CTNNA2: variants seen among roughly 807,000 people sequenced by gnomAD.
CTNNA2 encodes catenin alpha-2.
A neutral mutation model predicts 101.0 loss-of-function variants in CTNNA2; 42 were observed. The observed-to-expected ratio is 0.42, with a 90% CI of 0.32 to 0.54. The LOEUF (loss-of-function observed/expected upper bound fraction) is 0.54. Ranked by LOEUF, CTNNA2 falls within the 20% of genes least tolerant of loss-of-function variation. CTNNA2 has a pLI of 0.14. For synonymous variants in CTNNA2, 450 were observed against 456.4 expected, an observed-to-expected ratio of 0.99 and a Z score of 0.18; for missense variants, 871 against 1,223.1, an observed-to-expected ratio of 0.71 and a Z score of 4.29.
At chr2:80,507,222 A>G (rs1688346353) in intron 9 of CTNNA2, among the ~76,000 whole-genome samples, 1 of 152,198 alleles carries the variant, frequency 6.6e-6, no homozygotes, top group African/African-American at 2.4e-5. Context: ...GTGGAAATAC[A>G]TGTAAAGTAC....
At chr2:80,311,479 C>T (rs1677583314) in intron 7 of CTNNA2, among the ~76,000 whole-genome samples, 1 of 152,184 alleles carries the variant, frequency 6.6e-6, no homozygotes, top group Admixed American at 6.5e-5. Context: ...CTCTTCACAC[C>T]CATTTCCTCA....
chr2:79,919,089 C>T (rs972898270), intron 7 of CTNNA2, among the ~76,000 whole-genome samples: 1 of 152,120 alleles, frequency 6.6e-6, no homozygotes, highest in Non-Finnish European at 1.5e-5. Context: ...TTGGCCAAGC[C>T]TCCTCTTGGT....
chr2:79,961,830 A>G (rs1689658447), intron 7 of CTNNA2, among the ~76,000 whole-genome samples: 2 of 151,810 alleles, frequency 1.3e-5, no homozygotes, highest in Admixed American at 1.3e-4. Flanking sequence ...TCAAAAAAAA[A>G]AAAAAAAAAA....
intron 1 of CTNNA2, chr2:79,514,478 A>T (rs1175728755): frequency 1.3e-5 from 2 of 152,214 alleles, no homozygotes; most frequent in Non-Finnish European, 2.9e-5. Context: ...ATAATTTAAA[A>T]TTGCTGTTGG....
chr2:79,352,454 GC>G (rs1294761406), intron 3 of CTNNA2, among the ~76,000 whole-genome samples: 5 of 152,010 alleles, frequency 3.3e-5, no homozygotes. Flanking sequence ...TTCTGATTGT[GC>G]TTATTTGGAT....
At chr2:79,294,253 G>T (rs1237763177) in intron 2 of CTNNA2, among the ~76,000 whole-genome samples, 1 of 151,420 alleles carries the variant, frequency 6.6e-6, no homozygotes, top group Non-Finnish European at 1.5e-5. Flanking sequence ...AGGAGGAGGA[G>T]GAGGAGGAGA....
intron 16 of CTNNA2, 133 bp from the exon 17 acceptor site, chr2:80,608,051 G>T: frequency 1.3e-6 from 1 of 770,404 alleles, no homozygotes; most frequent in Non-Finnish European, 1.9e-6. Flanking sequence ...AATGCACTGT[G>T]AAAAAGTTAA....
chr2:79,396,249 C>T (rs535954997), intron 4 of CTNNA2, among the ~76,000 whole-genome samples: 5 of 151,886 alleles, frequency 3.3e-5, no homozygotes, highest in Non-Finnish European at 7.4e-5. Flanking sequence ...TGCAACTTCC[C>T]CTGGGTTCAA....
intron 9 of CTNNA2, among the ~76,000 whole-genome samples, chr2:80,463,866 T>A (rs1276766441): frequency 6.6e-6 from 1 of 152,160 alleles, no homozygotes; most frequent in Non-Finnish European, 1.5e-5. Flanking sequence ...TAGAATTCAT[T>A]GTTTTACCCA....
At chr2:79,722,483 T>C (rs574905605) in intron 2 of CTNNA2, among the ~76,000 whole-genome samples, 1 of 152,276 alleles carries the variant, frequency 6.6e-6, no homozygotes, top group South Asian at 2.1e-4. Flanking sequence ...GCAATTACTT[T>C]AGTAATATAT....
chr2:80,402,475 G>T (rs1401657734), intron 8 of CTNNA2, among the ~76,000 whole-genome samples: 2 of 151,966 alleles, frequency 1.3e-5, no homozygotes, highest in African/African-American at 4.8e-5. Flanking sequence ...TGGATCCTGG[G>T]GCTATCCAGG....
At chr2:80,577,776 G>C (rs1340728700) in intron 13 of CTNNA2, among the ~76,000 whole-genome samples, 2 of 143,990 alleles carry the variant, frequency 1.4e-5, no homozygotes, top group Admixed American at 6.8e-5. Flanking sequence ...GAGCTCTGTT[G>C]GGAAATCCTA....
intron 6 of CTNNA2, among the ~76,000 whole-genome samples, chr2:79,905,628 G>A (rs1441414351): frequency 1.3e-5 from 2 of 152,020 alleles, no homozygotes; most frequent in African/African-American, 2.4e-5. Flanking sequence ...GATGATGATG[G>A]TGATGATGGT....
intron 9 of CTNNA2, among the ~76,000 whole-genome samples, chr2:80,433,031 T>C (rs1164918975): frequency 6.6e-6 from 1 of 151,972 alleles, no homozygotes; most frequent in African/African-American, 2.4e-5. Flanking sequence ...GATCAATAGT[T>C]TTGCAAACTA....
At chr2:80,093,683 T>TA (rs201928252) in intron 7 of CTNNA2, among the ~76,000 whole-genome samples, 22,742 of 152,090 alleles carry the variant, frequency 0.15, 2,241 homozygotes, top group South Asian at 0.31. Flanking sequence ...CCTGACTTTT[T>TA]AATGATCGCC....
chr2:80,327,836 G>A (rs934274944), intron 7 of CTNNA2, among the ~76,000 whole-genome samples: 1 of 152,190 alleles, frequency 6.6e-6, no homozygotes, highest in Non-Finnish European at 1.5e-5. Flanking sequence ...ATATGCCCAA[G>A]ACTTCCTTCT....
intron 7 of CTNNA2, among the ~76,000 whole-genome samples, chr2:80,344,628 C>T (rs1228890629): frequency 6.6e-6 from 1 of 152,064 alleles, no homozygotes; most frequent in Non-Finnish European, 1.5e-5. Context: ...GAGACCATGG[C>T]CCTGCGCCAC....
chr2:80,581,530 A>G (rs1695542264), intron 13 of CTNNA2, among the ~76,000 whole-genome samples, 176 bp from the exon 14 acceptor site: 1 of 152,124 alleles, frequency 6.6e-6, no homozygotes, highest in South Asian at 2.1e-4. Context: ...AAATTAGGGC[A>G]GCTTGATTTT....
chr2:79,613,322 G>A (rs6722803), intron 1 of CTNNA2, among the ~76,000 whole-genome samples: 12,433 of 151,302 alleles, frequency 0.082, 565 homozygotes, highest in East Asian at 0.12. Context: ...GATAATTTCC[G>A]AGTTTTCTTA....
Sources: allele counts gnomAD v4.1 joint callset (sites outside exome capture counted in the v4.1 genomes callset), GRCh38; gene constraint gnomAD v4.1.1; transcripts MANE v1.5; gene names NCBI Gene and HGNC (gene_info 2026-07-23, HGNC 2026-07-21).